MMS22L: variants seen among roughly 807,000 people sequenced by gnomAD.
MMS22L encodes the protein MMS22 like, DNA repair protein, also known as protein MMS22-like.
A neutral mutation model predicts 159.1 loss-of-function variants in MMS22L; 74 were observed. That is an observed-to-expected ratio of 0.47 (90% CI 0.39 to 0.56). The LOEUF (loss-of-function observed/expected upper bound fraction) is 0.56. Ranked by LOEUF, MMS22L falls within the 20% of genes least tolerant of loss-of-function variation. The pLI is 0.00. For missense variants in MMS22L, 1,351 were observed against 1,422.1 expected, an observed-to-expected ratio of 0.95 and a Z score of 0.80; for synonymous variants, 517 against 506.9, an observed-to-expected ratio of 1.02 and a Z score of -0.27.
At position 97,254,539 on chromosome 6, in the gene MMS22L, T is replaced by C; in HGVS notation, c.1119+18A>G. On this transcript the variant is annotated intron_variant, in intron 10 of 24. Transcript: ENST00000683635. Reference sequence around the variant, plus strand: ...TTAATTGACAATATAAGAAAGTTTTTAAAAAATGAAGTCTTACCATTTCAT... The same window carrying C: ...TTAATTGACAATATAAGAAAGTTTTCAAAAAATGAAGTCTTACCATTTCAT... 1 of 1,604,406 alleles carries C rather than the reference T, an allele frequency of 6.2e-7. No homozygotes were observed. Among genetic ancestry groups the C allele is most frequent in the Non-Finnish European group, 8.5e-7 (1 of 1,175,658 alleles).
rs914629158 is a variant in MMS22L at position 97,205,543 on chromosome 6, C to G, written c.2040-18853G>C. ...TTCTGCATAACTAAGCAGCAAGTGTCAGCATCAGAATTTAGATCTCCTGAG... is the reference window on the plus strand; with the variant it reads ...TTCTGCATAACTAAGCAGCAAGTGTGAGCATCAGAATTTAGATCTCCTGAG... On this transcript the variant is annotated intron_variant, in intron 14 of 24. Transcript: ENST00000683635. 2.0e-5 allele frequency among the ~76,000 whole-genome samples: 3 copies of G among 152,246 alleles called. No homozygotes were observed. The South Asian group carries it at 6.2e-4, about 32-fold the overall frequency.
At chr6:97,168,031 A>AT (rs200684540) in intron 20 of MMS22L, 40 bp downstream of exon 20, 1,953 of 1,380,970 alleles carry the variant, frequency 1.4e-3, no homozygotes, top group South Asian at 2.7e-3. Flanking sequence ...AAGTTTCAAT[A>AT]TTTTTTTTTT....
intron 14 of MMS22L, among the ~76,000 whole-genome samples, chr6:97,216,533 T>A (rs1809034846): frequency 6.6e-6 from 1 of 152,174 alleles, no homozygotes; most frequent in Non-Finnish European, 1.5e-5. Flanking sequence ...AAAGTCACAA[T>A]TTTAGGTGTT....
At chr6:97,264,376 T>C (rs1251355591) in intron 8 of MMS22L, 4 of 152,112 alleles carry the variant, frequency 2.6e-5, no homozygotes, top group African/African-American at 4.8e-5. Context: ...CTTTTTTTAA[T>C]AAAAAAATCC....
chr6:97,183,274 A>G (rs1804904776), intron 15 of MMS22L, among the ~76,000 whole-genome samples: 1 of 152,016 alleles, frequency 6.6e-6, no homozygotes, highest in African/African-American at 2.4e-5. Context: ...CCTTTTTAGG[A>G]CACTTGATTG....
At chr6:97,270,823 A>C (rs1488513533) in intron 6 of MMS22L, 1 of 152,184 alleles carries the variant, frequency 6.6e-6, no homozygotes, top group East Asian at 1.9e-4. Flanking sequence ...ATAAAAAATA[A>C]GATTTTTAAC....
At chr6:97,256,401 C>T (rs1813814903) in intron 9 of MMS22L, among the ~76,000 whole-genome samples, 1 of 152,094 alleles carries the variant, frequency 6.6e-6, no homozygotes, top group African/African-American at 2.4e-5. Context: ...AAAACATGTA[C>T]CACTTTCTTT....
At chr6:97,263,696 A>T (rs1358627460) in intron 8 of MMS22L, 1 of 275,634 alleles carries the variant, frequency 3.6e-6, no homozygotes, top group East Asian at 7.2e-5. Flanking sequence ...TGCCGTGGTC[A>T]GCAAACTTTC....
chr6:97,201,538 T>G (rs1807164706), intron 14 of MMS22L, among the ~76,000 whole-genome samples: 1 of 152,202 alleles, frequency 6.6e-6, no homozygotes, highest in African/African-American at 2.4e-5. Context: ...CAATGTCAAC[T>G]CTGCCTGGTC....
chr6:97,230,755 T>C (rs1272836822), intron 13 of MMS22L: 2 of 152,182 alleles, frequency 1.3e-5, no homozygotes, highest in African/African-American at 4.8e-5. Context: ...GAAGCTGGCA[T>C]TTAAAACAGT....
At chr6:97,275,979 G>A (rs1343892252) in intron 4 of MMS22L, among the ~76,000 whole-genome samples, 2 of 152,150 alleles carry the variant, frequency 1.3e-5, no homozygotes, top group African/African-American at 4.8e-5. Context: ...ACTCCAGCCT[G>A]GGCGATGGAG....
intron 18 of MMS22L, among the ~76,000 whole-genome samples, chr6:97,174,115 T>C (rs1486307239): frequency 2.6e-5 from 4 of 151,742 alleles, no homozygotes; most frequent in Admixed American, 6.6e-5. Context: ...TAGCTGGGTG[T>C]GGTGGCGTGT....
At chr6:97,164,576 G>T (rs1802772700) in intron 21 of MMS22L, among the ~76,000 whole-genome samples, 1 of 151,630 alleles carries the variant, frequency 6.6e-6, no homozygotes, top group Non-Finnish European at 1.5e-5. Context: ...TCCAATATTA[G>T]CATTCATTTT....
intron 14 of MMS22L, among the ~76,000 whole-genome samples, chr6:97,215,846 G>A (rs963859007): frequency 2.6e-5 from 4 of 152,130 alleles, no homozygotes; most frequent in Non-Finnish European, 5.9e-5. Context: ...GCTCACCAGG[G>A]GGAAATAGGC....
chr6:97,283,173 A>G lies in MMS22L; in HGVS notation c.-154T>C, dbSNP rs1368803368. The G allele has an allele frequency of 6.6e-6, 1 of 152,218 alleles. No individual in the cohort carries two copies. The highest frequency in any genetic ancestry group is 2.4e-5 in the African/African-American group (1 of 41,448). The allele number at this position is 152,218 out of a possible 1,614,324, so 9.4% of individuals were successfully genotyped here. On this transcript the variant is annotated 5_prime_UTR_variant, in exon 1 of 25. Coordinates refer to ENST00000683635, the MANE Select transcript of MMS22L (RefSeq NM_001350599.2). ...CAGGAATCTTTGGGGTCTAAACCGCAAACAGGCGAAATTCCCGCCACCGCG... is the reference window on the plus strand; with the variant it reads ...CAGGAATCTTTGGGGTCTAAACCGCGAACAGGCGAAATTCCCGCCACCGCG...
chr6:97,281,189 A>T, intron 3 of MMS22L, 48 bp downstream of exon 3: 1 of 1,548,472 alleles, frequency 6.5e-7, no homozygotes, highest in Non-Finnish European at 8.7e-7. Flanking sequence ...CGTAATTTAC[A>T]AAAGTGAACA....
At chr6:97,155,449 G>T (rs1248111054) in intron 22 of MMS22L, among the ~76,000 whole-genome samples, 1 of 152,082 alleles carries the variant, frequency 6.6e-6, no homozygotes, top group Non-Finnish European at 1.5e-5. Flanking sequence ...TTCTCCTAAT[G>T]CTCTCCCTCC....
chr6:97,268,065 A>G, intron 7 of MMS22L, 63 bp from the exon 8 acceptor site: 1 of 1,131,494 alleles, frequency 8.8e-7, no homozygotes, highest in Non-Finnish European at 1.2e-6. Flanking sequence ...GGAAAAAGTG[A>G]CTGTACATCT....
At chr6:97,175,936 G>A (rs1415662438) in intron 18 of MMS22L, among the ~76,000 whole-genome samples, 3 of 152,138 alleles carry the variant, frequency 2.0e-5, no homozygotes, top group Non-Finnish European at 4.4e-5. Context: ...AAAGCAGTCA[G>A]TTCAGCTTGC....
Sources: allele counts gnomAD v4.1 joint callset (sites outside exome capture counted in the v4.1 genomes callset), GRCh38; gene constraint gnomAD v4.1.1; transcripts MANE v1.5; gene names NCBI Gene and HGNC (gene_info 2026-07-23, HGNC 2026-07-21).